Variants in NUP210 observed in about 807,000 individuals in gnomAD.
NUP210 encodes the protein nucleoporin 210.
In NUP210, 151 loss-of-function variants were observed where a neutral mutation model predicts 196.0. The observed-to-expected ratio is 0.77, with a 90% CI of 0.67 to 0.88. NUP210 has a LOEUF of 0.88. NUP210 is among the 40% of genes least tolerant of loss of function. The pLI is 0.00. For synonymous variants in NUP210, 1,070 were observed against 1,052.7 expected (o/e 1.02, Z -0.32); for missense variants, 2,314 against 2,493.7 (o/e 0.93, Z 1.53).
Position 13,386,368 on chromosome 3 carries a change from T to C in NUP210, c.724A>G (p.Asn242Asp), listed in dbSNP as rs1699275247. Residue 242 changes from asparagine (N) to aspartate (D), a missense_variant, in exon 6 of 40, where the codon AAC becomes GAC. By Grantham distance (23) the Asn-to-Asp change is conservative. Transcript: ENST00000254508. ...TCATAGGCCGGGTTCAGAAGGATGTTTTCCAAAATCAGCAGCCTGACTTCT... is the reference window on the plus strand; with the variant it reads ...TCATAGGCCGGGTTCAGAAGGATGTCTTCCAAAATCAGCAGCCTGACTTCT... ...PAEVRLLILE[N>D]ILLNPAYDVY... 6.2e-7 allele frequency: 1 copy of C among 1,614,182 alleles called. No individual in the cohort carries two copies. Among genetic ancestry groups the C allele is most frequent in the Non-Finnish European group, 8.5e-7 (1 of 1,180,032 alleles).
intron 9 of NUP210, among the ~76,000 whole-genome samples, chr3:13,376,985 C>A (rs1361165800): frequency 3.9e-5 from 6 of 152,312 alleles, no homozygotes; most frequent in Admixed American, 3.3e-4. Context: ...CTGTCTGACA[C>A]CCCCTTCCAG....
intron 28 of NUP210, among the ~76,000 whole-genome samples, chr3:13,334,851 C>G (rs1332015998): frequency 6.6e-6 from 1 of 152,212 alleles, no homozygotes; most frequent in Non-Finnish European, 1.5e-5. Context: ...AGTCCTGACC[C>G]CTGGCTCTGA....
chr3:13,413,766 T>C (rs573781444), intron 1 of NUP210, among the ~76,000 whole-genome samples: 20 of 152,276 alleles, frequency 1.3e-4, no homozygotes, highest in African/African-American at 3.6e-4. Flanking sequence ...AGGTGGATGG[T>C]GGAGGTGGCT....
rs1353804238 is a variant in NUP210, at chr3:13,360,454, C to G, written c.1970G>C (p.Gly657Ala). 2.5e-6 allele frequency: 4 copies of G among 1,612,732 alleles called. No homozygotes were observed. Among genetic ancestry groups the G allele is most frequent in the Non-Finnish European group, 8.5e-7 (1 of 1,179,454 alleles). Residue 657 changes from glycine to alanine, a missense_variant, in exon 15 of 40, where the codon GGC becomes GCC. Coordinates refer to ENST00000254508, the MANE Select transcript of NUP210 (RefSeq NM_024923.4). ...DPSSVALVTL[G>A]SSKEMLFEGG... ...TTCAAACAGCATCTCCTTTGAGGAGCCCAGGGTTACCAAGGCAACAGAGGA... is the reference window on the plus strand; with the variant it reads ...TTCAAACAGCATCTCCTTTGAGGAGGCCAGGGTTACCAAGGCAACAGAGGA...
chr3:13,364,820 C>A (rs1018282454), intron 14 of NUP210, among the ~76,000 whole-genome samples: 1 of 152,228 alleles, frequency 6.6e-6, no homozygotes, highest in South Asian at 2.1e-4. Context: ...AAGAGTGAAA[C>A]TCTGTCTCAA....
chr3:13,349,013 C>A (rs938089347), intron 20 of NUP210, among the ~76,000 whole-genome samples: 1 of 142,212 alleles, frequency 7.0e-6, no homozygotes, highest in South Asian at 2.1e-4. Context: ...AAAAAACAGC[C>A]GGAGGTGCCA....
At position 13,336,871 on chromosome 3, in the gene NUP210, G is replaced by C; in HGVS notation, c.3600C>G (p.Ser1200=). 6.2e-7 allele frequency: 1 copy of C among 1,613,914 alleles called. No homozygotes were observed. Among genetic ancestry groups the C allele is most frequent in the East Asian group, 2.2e-5 (1 of 44,862 alleles). The stretch of plus-strand genomic sequence containing the variant: ...TCAGGCCTGGCACGGCATTGCCAAA[G>C]GAGAAAGGGTTCTGGTGGTTGGTGA... ...TGITNHQNPF[S]FGNAVPGLTF... The change falls in exon 27 of 40, where the codon TCC becomes TCG. Residue 1200 remains serine (S), a synonymous_variant. Transcript: ENST00000254508.
chr3:13,417,625 A>G (rs765500499), intron 1 of NUP210, among the ~76,000 whole-genome samples: 1 of 152,232 alleles, frequency 6.6e-6, no homozygotes, highest in Non-Finnish European at 1.5e-5. Flanking sequence ...GAACAGCAAT[A>G]CTAAAAATAA....
chr3:13,360,289 C>G lies in NUP210; in HGVS notation c.2135G>C (p.Cys712Ser). ...ACTCACCTGCTCACCCAAGGCCTGA[C>G]AGGTCACAAGGATCCAGTGTTGCTG... Reference protein sequence around the residue: ...NYQQHWILVTCQALGEQVIAL... With the variant: ...NYQQHWILVTSQALGEQVIAL... The change falls in exon 15 of 40, where the codon TGT becomes TCT. Residue 712 changes from cysteine to serine, a missense_variant. By Grantham distance (112) the Cys-to-Ser change is moderately radical. Transcript: ENST00000254508. The G allele has an allele frequency of 6.2e-7, 1 of 1,614,208 alleles. No individual in the cohort carries two copies. The highest frequency in any genetic ancestry group is 1.1e-5 in the South Asian group (1 of 91,086).
chr3:13,401,136 G>GT (rs1388230152), intron 1 of NUP210, among the ~76,000 whole-genome samples: 1 of 150,890 alleles, frequency 6.6e-6, no homozygotes, highest in African/African-American at 2.4e-5. Context: ...GCAGGTACCT[G>GT]TAATCCCAGC....
chr3:13,350,477 C>A lies in NUP210; in HGVS notation c.2835+1402G>T, dbSNP rs201670298. Among the ~76,000 whole-genome samples, 20 of 57,258 alleles carry A rather than the reference C, an allele frequency of 3.5e-4. No individual in the cohort carries two copies. Among genetic ancestry groups the A allele is most frequent in the Admixed American group, 1.3e-3 (8 of 6,206 alleles). 37.6% of individuals were successfully genotyped at this position (57,258 alleles called of 152,430 possible). ...CAAAACAAAACAAAACAAAACAAAACAAAAAACAAAACAAAACAGGAAAAC... is the reference window on the plus strand; with the variant it reads ...CAAAACAAAACAAAACAAAACAAAAAAAAAAACAAAACAAAACAGGAAAAC... On this transcript the variant is annotated intron_variant, in intron 20 of 39. Transcript: ENST00000254508. This position sits in a 1 kb window ranked among gnomAD's most constrained non-coding sequence, Gnocchi z 4.1.
At chr3:13,395,323 C>A (rs1024975106) in intron 3 of NUP210, among the ~76,000 whole-genome samples, 1 of 152,228 alleles carries the variant, frequency 6.6e-6, no homozygotes, top group Non-Finnish European at 1.5e-5. Flanking sequence ...ACGTGGAGAT[C>A]ATGGCACCTT....
chr3:13,359,056 C>T (rs538558864), intron 15 of NUP210, among the ~76,000 whole-genome samples: 22 of 152,310 alleles, frequency 1.4e-4, no homozygotes, highest in Non-Finnish European at 2.9e-4. Flanking sequence ...GAGGTAGCAC[C>T]CTCAGCCTCC....
intron 20 of NUP210, among the ~76,000 whole-genome samples, chr3:13,345,702 T>C (rs907243791): frequency 1.3e-5 from 2 of 152,098 alleles, no homozygotes; most frequent in Non-Finnish European, 2.9e-5. Context: ...TACAAAACAA[T>C]AGCTTTGTGA....
Position 13,376,316 on chromosome 3 carries a change from G to T in NUP210, c.1268C>A (p.Ala423Glu). ...ALKRGQTAID[A>E]ALTSVVDQDG... ...CTGGTCCACCACAGAGGTGAGGGCC[G>T]CGTCAATGGCCGTCTGTCCCCTCTT... The change falls in exon 10 of 40, where the codon GCG becomes GAG. Residue 423 changes from alanine to glutamate, a missense_variant. By Grantham distance (107) the Ala-to-Glu change is moderately radical. Coordinates refer to ENST00000254508, the MANE Select transcript of NUP210 (RefSeq NM_024923.4). 2 of 1,614,030 alleles carry T rather than the reference G, an allele frequency of 1.2e-6. No individual in the cohort carries two copies. The highest frequency in any genetic ancestry group is 1.7e-6 in the Non-Finnish European group (2 of 1,180,030).
intron 1 of NUP210, among the ~76,000 whole-genome samples, chr3:13,417,833 G>T (rs932450216): frequency 6.6e-6 from 1 of 152,114 alleles, no homozygotes; most frequent in African/African-American, 2.4e-5. Context: ...CAGAGATTAA[G>T]AATGTTTTTT....
intron 1 of NUP210, among the ~76,000 whole-genome samples, chr3:13,404,415 T>C (rs768516956): frequency 1.8e-4 from 27 of 152,238 alleles, no homozygotes; most frequent in Non-Finnish European, 2.8e-4. Context: ...TGGAAACCAA[T>C]ATAGGTTGTT....
intron 39 of NUP210, 41 bp downstream of exon 39, chr3:13,319,031 C>T: frequency 6.4e-7 from 1 of 1,554,714 alleles, no homozygotes; most frequent in Non-Finnish European, 8.7e-7. Context: ...TTCTCTTTCT[C>T]AGCAGCTCTG....
intron 8 of NUP210, among the ~76,000 whole-genome samples, chr3:13,378,619 T>A (rs896879850): frequency 1.3e-5 from 2 of 152,158 alleles, no homozygotes; most frequent in African/African-American, 4.8e-5. Flanking sequence ...AATGGTCAGG[T>A]CTGGGCAAAG....
Sources: allele counts gnomAD v4.1 joint callset (sites outside exome capture counted in the v4.1 genomes callset), GRCh38; gene constraint gnomAD v4.1.1; non-coding constraint Gnocchi (gnomAD v3.1); transcripts MANE v1.5; gene names NCBI Gene and HGNC (gene_info 2026-07-23, HGNC 2026-07-21).